The following GLI3 variants were observed in gnomAD, a reference collection of about 807,000 sequenced individuals.
GLI3 encodes the protein GLI family zinc finger 3, also known as transcription activator GLI3.
Under a neutral mutation model 100.8 loss-of-function variants are expected in GLI3, and 20 were observed. The ratio of observed to expected loss-of-function variants is 0.20; its 90% CI spans 0.14 to 0.29. GLI3 has a LOEUF of 0.29. Among genes scored for constraint, GLI3 ranks in the 10% least tolerant of loss-of-function variants. GLI3 has a pLI of 1.00. For missense variants in GLI3, 2,040 were observed against 2,128.5 expected (o/e 0.96, Z 0.82); for synonymous variants, 938 against 860.5 (o/e 1.09, Z -1.58).
intron 1 of GLI3, among the ~76,000 whole-genome samples, chr7:42,243,001 A>T (rs1788940399): frequency 6.6e-6 from 1 of 152,140 alleles, no homozygotes; most frequent in Non-Finnish European, 1.5e-5. Context: ...GCATTCCCCA[A>T]CCTCTGTGGT....
At chr7:42,056,514 G>A (rs1416515536) in intron 4 of GLI3, among the ~76,000 whole-genome samples, 1 of 152,164 alleles carries the variant, frequency 6.6e-6, no homozygotes, top group African/African-American at 2.4e-5. Context: ...CTAGAATATT[G>A]CTTAACGTAT....
chr7:42,223,933 G>A (rs763126389), intron 1 of GLI3, among the ~76,000 whole-genome samples: 17 of 152,182 alleles, frequency 1.1e-4, no homozygotes, highest in Non-Finnish European at 1.8e-4. Flanking sequence ...GTTCATTTAA[G>A]TTACACTTTT....
chr7:42,173,276 C>G (rs1049867393), intron 2 of GLI3, among the ~76,000 whole-genome samples: 1 of 152,152 alleles, frequency 6.6e-6, no homozygotes, highest in African/African-American at 2.4e-5. Context: ...AACACAGAGA[C>G]AGAAATCTTT....
intron 7 of GLI3, among the ~76,000 whole-genome samples, chr7:42,035,835 C>T (rs1454162226): frequency 6.6e-6 from 1 of 152,168 alleles, no homozygotes; most frequent in East Asian, 1.9e-4. Context: ...GTGGGGGTTA[C>T]TGGCTGTATT....
At chr7:42,130,105 C>A (rs1300452904) in intron 3 of GLI3, among the ~76,000 whole-genome samples, 1 of 152,070 alleles carries the variant, frequency 6.6e-6, no homozygotes, top group African/African-American at 2.4e-5. Flanking sequence ...TGGTGTGACA[C>A]CCTTATTGGT....
rs1784524259 is a variant in GLI3, at chr7:42,059,439, TTAA to T, written c.474-10746_474-10744del. ...TGTATTATATAAATATAAAGTGGAATTAATAAGTATAAATGAATATAATATTCA... is the reference window on the plus strand; with the variant it reads ...TGTATTATATAAATATAAAGTGGAATTAAGTATAAATGAATATAATATTCA... On this transcript the variant is annotated intron_variant, in intron 4 of 14. Coordinates refer to ENST00000395925, the MANE Select transcript of GLI3 (RefSeq NM_000168.6). Among the ~76,000 whole-genome samples the T allele has an allele frequency of 2.0e-5, 3 of 149,776 alleles. No homozygotes were observed. In the South Asian group the frequency reaches 6.2e-4, roughly 31 times the overall value.
At chr7:42,101,200 C>G (rs759128003) in intron 3 of GLI3, among the ~76,000 whole-genome samples, 1 of 152,182 alleles carries the variant, frequency 6.6e-6, no homozygotes, top group Admixed American at 6.5e-5. Context: ...GTATGCCCAT[C>G]GTCATTTTCT....
chr7:42,016,223 C>T (rs902024180), intron 10 of GLI3, among the ~76,000 whole-genome samples: 2 of 152,126 alleles, frequency 1.3e-5, no homozygotes, highest in African/African-American at 4.8e-5. Flanking sequence ...GACACATGAA[C>T]AGGAGAGATG....
intron 2 of GLI3, among the ~76,000 whole-genome samples, chr7:42,207,050 C>T (rs1271736278): frequency 6.6e-6 from 1 of 152,150 alleles, no homozygotes; most frequent in Non-Finnish European, 1.5e-5. Context: ...ACAGAAAATA[C>T]CAAGTGTTGA....
chr7:42,024,389 T>C (rs1456317231), intron 9 of GLI3, among the ~76,000 whole-genome samples: 1 of 152,216 alleles, frequency 6.6e-6, no homozygotes, highest in African/African-American at 2.4e-5. Context: ...AGCAAGGTTG[T>C]TGCTGTCTGG....
intron 14 of GLI3, among the ~76,000 whole-genome samples, chr7:41,967,371 G>A (rs1350894237): frequency 1.3e-5 from 2 of 150,836 alleles, no homozygotes; most frequent in African/African-American, 2.4e-5. Flanking sequence ...ATCAGAATAT[G>A]AGTCATGCAC....
intron 1 of GLI3, among the ~76,000 whole-genome samples, chr7:42,251,505 C>G (rs1789031573): frequency 6.6e-6 from 1 of 152,070 alleles, no homozygotes; most frequent in African/African-American, 2.4e-5. Flanking sequence ...CCCCCCTGCT[C>G]TAGTCTAGTC....
At chr7:42,180,935 C>T (rs912211256) in intron 2 of GLI3, among the ~76,000 whole-genome samples, 2 of 152,176 alleles carry the variant, frequency 1.3e-5, no homozygotes, top group Non-Finnish European at 2.9e-5. Flanking sequence ...GCGTTCCAAT[C>T]GTTCACCCAG....
Position 42,045,460 on chromosome 7 carries a change from G to A in GLI3, c.750C>T (p.Pro250=). The change falls in exon 6 of 15, where the codon CCC becomes CCT. Residue 250 remains proline (P), a synonymous_variant. Transcript: ENST00000395925. ...CAGCTGAGGGAATAATGTCTGCATA[G>A]GGGCTGCGCTGGCCAGTTAGCAGGG... ...QMALLTGQRS[P]YADIIPSAAT... 6.2e-7 allele frequency: 1 copy of A among 1,614,000 alleles called. No homozygotes were observed. The highest frequency in any genetic ancestry group is 8.5e-7 in the Non-Finnish European group (1 of 1,179,832).
intron 10 of GLI3, among the ~76,000 whole-genome samples, chr7:41,997,735 T>A (rs846270): frequency 0.61 from 92,073 of 152,022 alleles, 29,925 homozygotes; most frequent in African/African-American, 0.86. Context: ...AGGAACTGTA[T>A]CACATTCATC....
intron 6 of GLI3, among the ~76,000 whole-genome samples, chr7:42,042,256 C>A (rs987411390): frequency 2.0e-5 from 3 of 151,970 alleles, no homozygotes; most frequent in African/African-American, 7.3e-5. Flanking sequence ...CCTTGTGATC[C>A]GCCAGTCTCG....
At chr7:42,099,548 G>T (rs1785414251) in intron 3 of GLI3, among the ~76,000 whole-genome samples, 1 of 152,100 alleles carries the variant, frequency 6.6e-6, no homozygotes. Context: ...TGTTAGTTTA[G>T]TTAGTTATTT....
rs1246885829 is a variant in GLI3, at chr7:42,026,310, G to A, written c.1131C>T (p.Ser377=). The A allele has an allele frequency of 3.7e-6, 6 of 1,613,922 alleles. No homozygotes were observed. The East Asian group carries it at 1.3e-4, about 36-fold the overall frequency. ...QQSLGSAFGH[S]PPLIHPAPTF... is the part of the protein sequence containing the mutation. ...TTGGGGCAGGGTGGATGAGTGGAGG[G>A]CTGTGTCCAAAGGCTGAACCTAAGC... is the stretch of plus-strand genomic sequence containing the variant. Residue 377 remains serine (S), a synonymous_variant, in exon 8 of 15, where the codon AGC becomes AGT. Coordinates refer to ENST00000395925, the MANE Select transcript of GLI3 (RefSeq NM_000168.6).
intron 3 of GLI3, among the ~76,000 whole-genome samples, chr7:42,133,305 G>C (rs1337010522): frequency 6.6e-6 from 1 of 152,096 alleles, no homozygotes; most frequent in Non-Finnish European, 1.5e-5. Flanking sequence ...TTTTACCTTG[G>C]TCTCAGATAT....
Sources: gnomAD v4.1 joint callset for allele counts (sites outside exome capture counted in the v4.1 genomes callset) on GRCh38, gnomAD v4.1.1 for gene constraint, MANE v1.5 for transcripts, NCBI Gene and HGNC (gene_info 2026-07-23, HGNC 2026-07-21) for gene names.